ZSCAN21: variants seen among roughly 807,000 people sequenced by gnomAD.
ZSCAN21 encodes zinc finger and SCAN domain containing 21.
Under a neutral mutation model 35.6 loss-of-function variants are expected in ZSCAN21, and 26 were observed. The observed-to-expected ratio is 0.73, with a 90% CI of 0.54 to 1.01. The LOEUF is 1.01. ZSCAN21 is among the 50% of genes least tolerant of loss of function. The pLI is 0.00. For missense variants in ZSCAN21, 593 were observed against 587.1 expected, an observed-to-expected ratio of 1.01 and a Z score of -0.10; for synonymous variants, 219 against 219.3, an observed-to-expected ratio of 1.00 and a Z score of 0.01.
chr7:100,054,381 T>G (rs1791998920), intron 1 of ZSCAN21, among the ~76,000 whole-genome samples: 1 of 151,422 alleles, frequency 6.6e-6, no homozygotes, highest in African/African-American at 2.4e-5. Flanking sequence ...TCCCATGTAG[T>G]TGGGATCACA....
intron 2 of ZSCAN21, 101 bp downstream of exon 2, chr7:100,057,506 TTC>T: frequency 6.9e-7 from 1 of 1,444,180 alleles, no homozygotes; most frequent in Non-Finnish European, 9.2e-7. Flanking sequence ...GAATGGAAAT[TTC>T]TGCTGAATTA....
intron 1 of ZSCAN21, among the ~76,000 whole-genome samples, chr7:100,054,570 C>A (rs1174258327): frequency 6.6e-6 from 1 of 151,960 alleles, no homozygotes; most frequent in Non-Finnish European, 1.5e-5. Context: ...TGCTTTTGAA[C>A]AAATTTTGGG....
At chr7:100,063,496 GGAGGCT>G (rs1792446610) in intron 3 of ZSCAN21, among the ~76,000 whole-genome samples, 1 of 152,172 alleles carries the variant, frequency 6.6e-6, no homozygotes, top group Admixed American at 6.5e-5. Flanking sequence ...CAGCTACTCT[GGAGGCT>G]GAGGCAGGAG....
In ZSCAN21 at chr7:100,064,731, C is replaced by T; in HGVS notation, c.*114C>T. 1.9e-6 allele frequency: 3 copies of T among 1,612,906 alleles called. No homozygotes were observed. The highest frequency in any genetic ancestry group is 2.5e-6 in the Non-Finnish European group (3 of 1,179,178). ...CGGTGATAGAGTTTGTATCACTCAA[C>T]ATCAGGGGATGCCTGAGGAGTGCGA... On this transcript the variant is annotated 3_prime_UTR_variant, in exon 4 of 4. Transcript: ENST00000292450.
At chr7:100,056,106 AT>A (rs1279394470) in intron 1 of ZSCAN21, among the ~76,000 whole-genome samples, 4 of 142,434 alleles carry the variant, frequency 2.8e-5, no homozygotes, top group Non-Finnish European at 6.1e-5. Context: ...CGCCTGGCTA[AT>A]TTTTTGTATT....
intron 1 of ZSCAN21, among the ~76,000 whole-genome samples, chr7:100,050,158 AC>A (rs1791806640): frequency 1.3e-5 from 2 of 152,126 alleles, no homozygotes; most frequent in African/African-American, 4.8e-5. Context: ...TATCAGTCTG[AC>A]CGTGGCCGCC....
At chr7:100,049,898 T>C (rs1295824434) in intron 1 of ZSCAN21, 57 bp downstream of exon 1, 1 of 152,422 alleles carries the variant, frequency 6.6e-6, no homozygotes, top group African/African-American at 2.4e-5. Context: ...CGTGGCTGAA[T>C]GGTCTGGGGA....
At position 100,063,741 on chromosome 7, in the gene ZSCAN21, C is replaced by T. The variant is rs775987686; in HGVS notation, c.593-47C>T. On this transcript the variant is annotated intron_variant, in intron 3 of 3. Transcript: ENST00000292450. ...ATCTCTCTGGTAACAGTTTCTTCCT[C>T]AGAACAAGAAACAACTGAAGTATCC... 5.9e-6 allele frequency: 9 copies of T among 1,532,112 alleles called. No individual in the cohort carries two copies. The African/African-American group carries it at 9.7e-5, about 17-fold the overall frequency. 94.9% of individuals were successfully genotyped at this position (1,532,112 alleles called of 1,614,324 possible).
chr7:100,057,065 AG>A lies in ZSCAN21; in HGVS notation c.61del (p.Val21TrpfsTer4), dbSNP rs1174264588. The A allele has an allele frequency of 6.2e-7, 1 of 1,614,016 alleles. No homozygotes were observed. Among genetic ancestry groups the A allele is most frequent in the African/African-American group, 1.3e-5 (1 of 74,922 alleles). On this transcript the variant is annotated frameshift_variant, in exon 2 of 4. Coordinates refer to ENST00000292450, the MANE Select transcript of ZSCAN21 (RefSeq NM_145914.3). LOFTEE classifies it high-confidence loss of function. ...PVLGPRPPQE[Q>X]VGPLMVKVEE... The stretch of plus-strand genomic sequence containing the variant: ...CTGGGCCCTAGGCCTCCACAGGAGC[AG>A]GTGGGGCCTCTGATGGTAAAAGTCG...
rs1249033322 is a variant in ZSCAN21, at chr7:100,064,216, T to A, written c.1021T>A (p.Phe341Ile). Residue 341 changes from phenylalanine to isoleucine, a missense_variant, in exon 4 of 4, where the codon TTT becomes ATT. By Grantham distance (21) the Phe-to-Ile change is conservative. Transcript: ENST00000292450. Reference sequence around the variant, plus strand: ...CTATGACTGTAAGTGTGGAAAAGCTTTTGGGCAGAGCTCAGACCTTCTTAA... The same window carrying A: ...CTATGACTGTAAGTGTGGAAAAGCTATTGGGCAGAGCTCAGACCTTCTTAA... ...RPYDCKCGKA[F>I]GQSSDLLKHQ... The A allele has an allele frequency of 1.5e-5, 25 of 1,613,762 alleles. No homozygotes were observed. Among genetic ancestry groups the A allele is most frequent in the Non-Finnish European group, 2.1e-5 (25 of 1,179,976 alleles).
chr7:100,064,764 A>G lies in ZSCAN21; in HGVS notation c.*147A>G. ...GATGCCTGAGGAGTGCGAGCTCCACAGCAACATGGCAGGCAGGAGGTCCTC... is the reference window on the plus strand; with the variant it reads ...GATGCCTGAGGAGTGCGAGCTCCACGGCAACATGGCAGGCAGGAGGTCCTC... On this transcript the variant is annotated 3_prime_UTR_variant, in exon 4 of 4. Transcript: ENST00000292450. 1 of 1,614,180 alleles carries G rather than the reference A, an allele frequency of 6.2e-7. No individual in the cohort carries two copies. The highest frequency in any genetic ancestry group is 8.5e-7 in the Non-Finnish European group (1 of 1,180,024).
intron 1 of ZSCAN21, among the ~76,000 whole-genome samples, chr7:100,054,956 T>C (rs887786912): frequency 1.6e-5 from 2 of 124,294 alleles, no homozygotes; most frequent in African/African-American, 5.9e-5. Flanking sequence ...TTATGATCTC[T>C]CTTTTTTTTT....
At chr7:100,050,311 C>T (rs2116038565) in intron 1 of ZSCAN21, among the ~76,000 whole-genome samples, 1 of 152,186 alleles carries the variant, frequency 6.6e-6, no homozygotes. Context: ...ATAGTCCCCT[C>T]GGGCTTTGTT....
intron 1 of ZSCAN21, chr7:100,051,388 G>T (rs1482435192): frequency 7.1e-6 from 1 of 140,224 alleles, no homozygotes; most frequent in Non-Finnish European, 1.5e-5. Flanking sequence ...CCGCCTCCCG[G>T]GTTCTAGCCA....
chr7:100,052,751 T>A (rs772700165), intron 1 of ZSCAN21, among the ~76,000 whole-genome samples: 18 of 150,918 alleles, frequency 1.2e-4, no homozygotes, highest in Non-Finnish European at 2.2e-4. Flanking sequence ...CCAAGGAGAG[T>A]GAGTGCAGGA....
chr7:100,056,859 A>G (rs1792091157), intron 1 of ZSCAN21, 52 bp from the exon 2 acceptor site: 1 of 807,402 alleles, frequency 1.2e-6, no homozygotes, highest in Non-Finnish European at 1.9e-6. Flanking sequence ...GGCTGTAAAG[A>G]CCCAAAAACA....
At chr7:100,063,461 G>A (rs1792444096) in intron 3 of ZSCAN21, among the ~76,000 whole-genome samples, 2 of 152,260 alleles carry the variant, frequency 1.3e-5, no homozygotes, top group Non-Finnish European at 1.5e-5. Context: ...AAATAGCTGG[G>A]TGTGGTGGCA....
chr7:100,062,922 T>C (rs1424094673), intron 3 of ZSCAN21, among the ~76,000 whole-genome samples: 1 of 152,224 alleles, frequency 6.6e-6, no homozygotes, highest in Non-Finnish European at 1.5e-5. Context: ...GGTCTCACTC[T>C]GTTGCCCAGG....
intron 3 of ZSCAN21, among the ~76,000 whole-genome samples, chr7:100,063,032 CAG>C (rs1491455046): frequency 2.0e-5 from 3 of 152,176 alleles, no homozygotes; most frequent in Admixed American, 6.5e-5. Context: ...GCTGGGACCA[CAG>C]GGGCACACCA....
Sources: gnomAD v4.1 joint callset for allele counts (sites outside exome capture counted in the v4.1 genomes callset) on GRCh38, gnomAD v4.1.1 for gene constraint, MANE v1.5 for transcripts, NCBI Gene and HGNC (gene_info 2026-07-23, HGNC 2026-07-21) for gene names.